The following KY variants were observed in gnomAD, a reference collection of about 807,000 sequenced individuals.
KY encodes kyphoscoliosis peptidase.
A neutral mutation model predicts 76.1 loss-of-function variants in KY; 43 were observed. That is an observed-to-expected ratio of 0.57 (90% CI 0.44 to 0.73). KY has a LOEUF of 0.73. Ranked by LOEUF, KY falls within the 30% of genes least tolerant of loss-of-function variation. The probability of loss-of-function intolerance (pLI) is 0.00; values close to 1 mark genes in which losing one functional copy is unlikely to be tolerated. For synonymous variants in KY, 277 were observed against 326.2 expected, an observed-to-expected ratio of 0.85 and a Z score of 1.63; for missense variants, 722 against 828.9, an observed-to-expected ratio of 0.87 and a Z score of 1.58.
chr3:134,625,780 G>A (rs1963364328), intron 5 of KY, among the ~76,000 whole-genome samples: 2 of 152,272 alleles, frequency 1.3e-5, no homozygotes, highest in Admixed American at 1.3e-4. Context: ...AGGGCCCTGA[G>A]AAAGGCTGGG....
intron 8 of KY, among the ~76,000 whole-genome samples, chr3:134,611,068 G>A (rs1335689067): frequency 3.3e-5 from 5 of 152,198 alleles, no homozygotes; most frequent in Non-Finnish European, 7.3e-5. Flanking sequence ...TGTGAACATG[G>A]TGCAAGAGCC....
intron 3 of KY, among the ~76,000 whole-genome samples, chr3:134,642,866 T>G (rs761158705): frequency 2.0e-5 from 3 of 152,214 alleles, no homozygotes; most frequent in Non-Finnish European, 2.9e-5. Context: ...CTTGAACACA[T>G]GACAGCCTTT....
chr3:134,608,392 C>G, intron 10 of KY: 1 of 1,439,986 alleles, frequency 6.9e-7, no homozygotes, highest in African/African-American at 1.4e-5. Context: ...TCAGACACAT[C>G]CCTTTCTGGG....
In KY at chr3:134,611,004, G is replaced by C. The variant is rs367997488; in HGVS notation, c.711-621C>G. Among the ~76,000 whole-genome samples the C allele has an allele frequency of 1.2e-4, 19 of 152,342 alleles. 1 individual carries two copies. The East Asian group carries it at 1.9e-3, about 15-fold the overall frequency. On this transcript the variant is annotated intron_variant, in intron 8 of 10. Coordinates refer to ENST00000423778, the MANE Select transcript of KY (RefSeq NM_178554.6). Reference sequence around the variant, plus strand: ...GGTGGATGTCTCCAGCCCTGGCCCAGGGAGGACTGGCCAGCTGCCAGTTTG... The same window carrying C: ...GGTGGATGTCTCCAGCCCTGGCCCACGGAGGACTGGCCAGCTGCCAGTTTG...
rs4955535 is a variant in KY, at chr3:134,604,314, A to T, written c.1251T>A (p.Phe417Leu). 1 of 1,614,018 alleles carries T rather than the reference A, an allele frequency of 6.2e-7. No homozygotes were observed. The highest frequency in any genetic ancestry group is 8.5e-7 in the Non-Finnish European group (1 of 1,179,906). The change falls in exon 11 of 11, where the codon TTT becomes TTA. Residue 417 changes from phenylalanine to leucine, a missense_variant. Phe to Leu is a conservative substitution (Grantham distance 22). Coordinates refer to ENST00000423778, the MANE Select transcript of KY (RefSeq NM_178554.6). ...PTMGTHKLQI[F>L]AKGNSDIYSS... ...TGTAGATGTCGGAGTTGCCCTTGGC[A>T]AAGATCTGCAGCTTGTGAGTGCCCA...
At position 134,602,133 on chromosome 3, in the gene KY, T is replaced by TG. The variant is rs1958994888; in HGVS notation, c.*1445dup. 6.6e-6 allele frequency among the ~76,000 whole-genome samples: 1 copy of TG among 151,580 alleles called. No individual in the cohort carries two copies. The highest frequency in any genetic ancestry group is 1.5e-5 in the Non-Finnish European group (1 of 67,886). On this transcript the variant is annotated 3_prime_UTR_variant, in exon 11 of 11. Transcript: ENST00000423778. The stretch of plus-strand genomic sequence containing the variant: ...CCAGGCAGTGCTGGCTCTCAGGGGT[T>TG]GGGGGGCACTGAGACAGCCAGGGGC...
chr3:134,629,990 G>A (rs1964007266), intron 3 of KY, among the ~76,000 whole-genome samples: 1 of 152,326 alleles, frequency 6.6e-6, no homozygotes, highest in African/African-American at 2.4e-5. Context: ...GTAAATAATA[G>A]AATAACTGGG....
chr3:134,628,529 A>G (rs1291428813), intron 4 of KY, among the ~76,000 whole-genome samples: 1 of 152,198 alleles, frequency 6.6e-6, no homozygotes, highest in Non-Finnish European at 1.5e-5. Flanking sequence ...GAAGATTGCA[A>G]CCACACATGG....
rs575459975 is a variant in KY, at chr3:134,650,539, T to G, written c.136+286A>C. The stretch of plus-strand genomic sequence containing the variant: ...TCTTCCAATCTTGCTCTACACCCGT[T>G]AGGGAGTGGCTGGGAGGAAAAAGAC... On this transcript the variant is annotated intron_variant, in intron 1 of 10. Coordinates refer to ENST00000423778, the MANE Select transcript of KY (RefSeq NM_178554.6). Among the ~76,000 whole-genome samples, 70 of 152,216 alleles carry G rather than the reference T, an allele frequency of 4.6e-4. 1 individual carries two copies. The highest frequency in any genetic ancestry group is 2.8e-3 in the Admixed American group (43 of 15,306).
At chr3:134,650,741 T>C in intron 1 of KY, 84 bp downstream of exon 1, 3 of 1,297,360 alleles carry the variant, frequency 2.3e-6, no homozygotes, top group Non-Finnish European at 3.1e-6. Flanking sequence ...GGGGGAGCAA[T>C]GGGCGCCCCC....
chr3:134,643,182 T>C, intron 3 of KY, 134 bp downstream of exon 3: 3 of 735,276 alleles, frequency 4.1e-6, no homozygotes, highest in Non-Finnish European at 6.8e-6. Context: ...AAAAGGGTTT[T>C]CCAACACCCA....
In KY at chr3:134,647,473, A is replaced by G; in HGVS notation, c.161T>C (p.Val54Ala). The G allele has an allele frequency of 4.3e-6, 7 of 1,612,210 alleles. No individual in the cohort carries two copies. The highest frequency in any genetic ancestry group is 5.9e-6 in the Non-Finnish European group (7 of 1,178,812). ...GGGFQGVGNG[V>A]RRWQKLEGND... ...TCCTTCTAATTTCTGCCATCTTCGG[A>G]CTCCATTTCCAACACCTTGGAATCC... Residue 54 changes from valine to alanine, a missense_variant, in exon 2 of 11, where the codon GTC (valine) becomes GCC (alanine). Val to Ala is a moderately conservative substitution (Grantham distance 64). This residue lies in a region of KY where 170 missense variants were observed against 148.1 expected (regional missense o/e 1.15). Coordinates refer to ENST00000423778, the MANE Select transcript of KY (RefSeq NM_178554.6).
At chr3:134,632,040 G>A (rs1387114920) in intron 3 of KY, among the ~76,000 whole-genome samples, 7 of 151,992 alleles carry the variant, frequency 4.6e-5, no homozygotes, top group Admixed American at 4.6e-4. Flanking sequence ...AAATATCAGG[G>A]ATAGAGGAAT....
intron 8 of KY, among the ~76,000 whole-genome samples, chr3:134,613,801 A>T (rs759035750): frequency 1.3e-5 from 2 of 152,240 alleles, no homozygotes; most frequent in Admixed American, 6.5e-5. Flanking sequence ...CATAATTCTC[A>T]TGCAAAATCC....
In KY at chr3:134,604,439, C is replaced by T. The variant is rs768799566; in HGVS notation, c.1126G>A (p.Ala376Thr). ...AGCATGAACATGAACAGCGTCGGGG[C>T]GCAGCTCTCAATGGTGACCGTGGCC... ...GKATVTIESC[A>T]PTLFMFMLNG... The change falls in exon 11 of 11, where the codon GCC becomes ACC. Residue 376 changes from alanine to threonine, a missense_variant. Ala to Thr is a moderately conservative substitution (Grantham distance 58, BLOSUM62 0). This residue lies in a region of KY where 552 missense variants were observed against 680.9 expected (regional missense o/e 0.81). Transcript: ENST00000423778. 8.7e-6 allele frequency: 14 copies of T among 1,612,660 alleles called. No homozygotes were observed. The highest frequency in any genetic ancestry group is 5.5e-5 in the South Asian group (5 of 90,970).
rs75917888 is a variant in KY at position 134,614,870 on chromosome 3, G to A, written c.710+4278C>T. 4.6e-3 allele frequency among the ~76,000 whole-genome samples: 703 copies of A among 152,256 alleles called. 8 individuals are homozygous for A. The highest frequency in any genetic ancestry group is 0.034 in the Middle Eastern group (10 of 294). ...CACCCTACACCAATGGGCTCTGACC[G>A]CAGTAGACTTTCCCAAATCTGATCA... On this transcript the variant is annotated intron_variant, in intron 8 of 10. Transcript: ENST00000423778.
intron 7 of KY, among the ~76,000 whole-genome samples, chr3:134,620,312 C>T (rs191798652): frequency 4.6e-5 from 7 of 152,186 alleles, no homozygotes; most frequent in African/African-American, 9.6e-5. Context: ...GTGGAGAACC[C>T]GCTTTTCCTG....
chr3:134,626,480 G>T (rs1963464188), intron 5 of KY, among the ~76,000 whole-genome samples: 1 of 152,178 alleles, frequency 6.6e-6, no homozygotes, highest in African/African-American at 2.4e-5. Context: ...CTGGGAGGGT[G>T]CAGGCTGTGG....
intron 8 of KY, among the ~76,000 whole-genome samples, chr3:134,611,055 C>G (rs1412379272): frequency 6.6e-6 from 1 of 152,204 alleles, no homozygotes; most frequent in Non-Finnish European, 1.5e-5. Flanking sequence ...TGGGTCTGTC[C>G]TTTGTGAACA....
Sources: gnomAD v4.1 joint callset for allele counts (sites outside exome capture counted in the v4.1 genomes callset) on GRCh38, gnomAD v4.1.1 for gene constraint, gnomAD v4.1.1 regional missense constraint, MANE v1.5 for transcripts, NCBI Gene and HGNC (gene_info 2026-07-23, HGNC 2026-07-21) for gene names.